TNFSF4: variants seen among roughly 807,000 people sequenced by gnomAD.
TNFSF4 encodes TNF superfamily member 4.
A neutral mutation model predicts 7.3 loss-of-function variants in TNFSF4; 4 were observed. That is an observed-to-expected ratio of 0.55 (90% CI 0.27 to 1.25). TNFSF4 has a LOEUF of 1.25. Among genes scored for constraint, TNFSF4 ranks in the 50% most tolerant of loss-of-function variants. TNFSF4 has a pLI of 0.12. For missense variants in TNFSF4, 181 were observed against 208.8 expected (o/e 0.87, Z 0.82); for synonymous variants, 76 against 83.7 (o/e 0.91, Z 0.50).
chr1:173,196,776 G>A (rs1649720495), intron 1 of TNFSF4, among the ~76,000 whole-genome samples: 1 of 152,078 alleles, frequency 6.6e-6, no homozygotes, highest in Non-Finnish European at 1.5e-5. Context: ...CTTGTATCTT[G>A]GTTTCCCTTC....
the TNFSF4 span, among the ~76,000 whole-genome samples, chr1:173,313,390 TA>T: frequency 2.6e-5 from 4 of 152,144 alleles, 1 homozygote; most frequent in South Asian, 8.3e-4. Context: ...AGTTTTGTTT[TA>T]AACTATATGC....
chr1:173,307,936 T>C, the TNFSF4 span, among the ~76,000 whole-genome samples: 1 of 152,050 alleles, frequency 6.6e-6, no homozygotes, highest in Non-Finnish European at 1.5e-5. Context: ...ATTAGGCTCA[T>C]AATATAGAAA....
the TNFSF4 span, among the ~76,000 whole-genome samples, chr1:173,382,145 T>A: frequency 6.6e-6 from 1 of 152,132 alleles, no homozygotes; most frequent in African/African-American, 2.4e-5. Context: ...GCTGTAACAC[T>A]CACTGCGAAG....
the TNFSF4 span, among the ~76,000 whole-genome samples, chr1:173,295,516 G>A: frequency 6.6e-6 from 1 of 151,952 alleles, no homozygotes; most frequent in South Asian, 2.1e-4. Flanking sequence ...CAACAGTACT[G>A]GCACCCATCA....
At chr1:173,327,622 T>A in the TNFSF4 span, among the ~76,000 whole-genome samples, 4 of 151,292 alleles carry the variant, frequency 2.6e-5, no homozygotes, top group African/African-American at 7.3e-5. Flanking sequence ...AGGGCTAATA[T>A]CCAGAATCTA....
chr1:173,306,201 C>T, the TNFSF4 span, among the ~76,000 whole-genome samples: 5 of 151,842 alleles, frequency 3.3e-5, no homozygotes, highest in African/African-American at 1.2e-4. Flanking sequence ...ATCGAAGACT[C>T]GATGAAATTT....
chr1:173,412,614 T>C, the TNFSF4 span, among the ~76,000 whole-genome samples: 1 of 152,246 alleles, frequency 6.6e-6, no homozygotes, highest in East Asian at 1.9e-4. Context: ...ATATCCAAAA[T>C]AAAGAACTGC....
At chr1:173,204,499 T>C (rs944965376) in intron 1 of TNFSF4, among the ~76,000 whole-genome samples, 1 of 152,186 alleles carries the variant, frequency 6.6e-6, no homozygotes, top group Admixed American at 6.5e-5. Context: ...GCTTGGTAGC[T>C]ATATCTGTAT....
chr1:173,269,492 T>A, the TNFSF4 span, among the ~76,000 whole-genome samples: 1 of 152,138 alleles, frequency 6.6e-6, no homozygotes, highest in Non-Finnish European at 1.5e-5. Context: ...ATTTCCAGCA[T>A]CACTATTTTT....
chr1:173,328,218 G>GCC, the TNFSF4 span, among the ~76,000 whole-genome samples: 112 of 151,988 alleles, frequency 7.4e-4, no homozygotes, highest in Non-Finnish European at 1.3e-3. Flanking sequence ...CATGGGTGAA[G>GCC]CTGAAAACCA....
the TNFSF4 span, among the ~76,000 whole-genome samples, chr1:173,369,834 A>G: frequency 6.6e-6 from 1 of 152,134 alleles, no homozygotes; most frequent in African/African-American, 2.4e-5. Flanking sequence ...CTTTATGTCC[A>G]AGCTTTTTTT....
At chr1:173,224,900 GT>G in the TNFSF4 span, among the ~76,000 whole-genome samples, 2 of 152,112 alleles carry the variant, frequency 1.3e-5, no homozygotes, top group Non-Finnish European at 2.9e-5. Flanking sequence ...TGTCCACCAT[GT>G]TTTTTGCCAC....
chr1:173,307,966 TAGTAA>T, the TNFSF4 span, among the ~76,000 whole-genome samples: 1 of 151,962 alleles, frequency 6.6e-6, no homozygotes, highest in Non-Finnish European at 1.5e-5. Context: ...CCCTGATTAC[TAGTAA>T]GGTGGAGCAC....
At chr1:173,239,450 A>G in the TNFSF4 span, among the ~76,000 whole-genome samples, 11 of 152,346 alleles carry the variant, frequency 7.2e-5, no homozygotes, top group Admixed American at 5.9e-4. Context: ...CTGTCCACCC[A>G]TAGTGTCACA....
At chr1:173,353,702 G>C in the TNFSF4 span, among the ~76,000 whole-genome samples, 2 of 152,098 alleles carry the variant, frequency 1.3e-5, no homozygotes, top group African/African-American at 4.8e-5. Flanking sequence ...AGTTTCTGTA[G>C]AGTAAAAAAA....
At chr1:173,376,002 G>A in the TNFSF4 span, among the ~76,000 whole-genome samples, 1 of 152,114 alleles carries the variant, frequency 6.6e-6, no homozygotes, top group African/African-American at 2.4e-5. Context: ...AACCCTCTCT[G>A]TGCTTGGTCC....
the TNFSF4 span, among the ~76,000 whole-genome samples, chr1:173,225,890 T>C: frequency 6.6e-6 from 1 of 152,158 alleles, no homozygotes; most frequent in Admixed American, 6.5e-5. Flanking sequence ...ACTACAGATA[T>C]GAAGGAGAAA....
At chr1:173,204,957 C>T (rs989868073) in intron 1 of TNFSF4, among the ~76,000 whole-genome samples, 4 of 151,150 alleles carry the variant, frequency 2.6e-5, no homozygotes, top group Admixed American at 2.0e-4. Flanking sequence ...GCTATCACTG[C>T]CACCAACATT....
At chr1:173,441,804 G>A in the TNFSF4 span, 18 of 152,192 alleles carry the variant, frequency 1.2e-4, no homozygotes, top group African/African-American at 4.3e-4. Flanking sequence ...CCCATGGTGT[G>A]GAGAGAGTAG....
Sources: allele counts gnomAD v4.1 joint callset (sites outside exome capture counted in the v4.1 genomes callset), GRCh38; gene constraint gnomAD v4.1.1; transcripts MANE v1.5; gene names NCBI Gene and HGNC (gene_info 2026-07-23, HGNC 2026-07-21).